IMPDH1: variants seen among roughly 807,000 people sequenced by gnomAD.
IMPDH1 encodes the protein inosine monophosphate dehydrogenase 1, also known as inosine-5'-monophosphate dehydrogenase 1.
Under a neutral mutation model 73.5 loss-of-function variants are expected in IMPDH1, and 41 were observed. The observed-to-expected ratio is 0.56, with a 90% CI of 0.43 to 0.72. The LOEUF is 0.72. IMPDH1 is among the 30% of genes least tolerant of loss of function. The pLI, the probability that IMPDH1 is intolerant of heterozygous loss-of-function variation, is 0.00. For missense variants in IMPDH1, 645 were observed against 824.8 expected (o/e 0.78, Z 2.67); for synonymous variants, 318 against 334.3 (o/e 0.95, Z 0.53).
intron 12 of IMPDH1, among the ~76,000 whole-genome samples, chr7:128,395,560 C>T (rs1422031310): frequency 6.6e-6 from 1 of 152,236 alleles, no homozygotes; most frequent in Non-Finnish European, 1.5e-5. Context: ...TGGCCCCAGC[C>T]TCACCTGCTC....
In IMPDH1 at chr7:128,403,741, G is replaced by T. The variant is rs372348212; in HGVS notation, c.367C>A (p.Leu123Ile). The change falls in exon 5 of 17, where the codon CTC (leucine) becomes ATC (isoleucine). Residue 123 changes from leucine to isoleucine, a missense_variant. Physicochemically the swap from Leu to Ile is conservative, Grantham distance 5 (BLOSUM62 2). This residue lies in a region of IMPDH1 where 186 missense variants were observed against 186.6 expected (regional missense o/e 1.00). Transcript: ENST00000338791. The stretch of plus-strand genomic sequence containing the variant: ...GCTATGAAGTCTATGAATCCTGGGA[G>T]AATCAGGAAGTCGCTGTGAAGACAG... ...DGLTYNDFLILPGFIDFIADE... is the reference protein window; with the variant it reads ...DGLTYNDFLIIPGFIDFIADE... The T allele has an allele frequency of 4.3e-6, 7 of 1,614,028 alleles. No homozygotes were observed. Among genetic ancestry groups the T allele is most frequent in the Non-Finnish European group, 5.9e-6 (7 of 1,179,868 alleles).
Position 128,400,901 on chromosome 7 carries a change from A to G in IMPDH1, c.505-10T>C, listed in dbSNP as rs72624953. The stretch of plus-strand genomic sequence containing the variant: ...CAATACCTCCCATCAGCTGATGTAG[A>G]AGGGAAGTGTGGTCAGAGCCGGGGC... On this transcript the variant is annotated splice_polypyrimidine_tract_variant and intron_variant, in intron 6 of 16. Coordinates refer to ENST00000338791, the MANE Select transcript of IMPDH1 (RefSeq NM_000883.4). The G allele has an allele frequency of 1.2e-6, 2 of 1,613,280 alleles. No homozygotes were observed. The highest frequency in any genetic ancestry group is 4.5e-5 in the East Asian group (2 of 44,890).
In IMPDH1 at chr7:128,405,674, G is replaced by A. The variant is rs368012252; in HGVS notation, c.353+93C>T. 3.8e-5 allele frequency: 55 copies of A among 1,462,386 alleles called. No homozygotes were observed. The East Asian group carries it at 1.3e-3, about 36-fold the overall frequency. The allele number at this position is 1,462,386 out of a possible 1,614,324, so 90.6% of individuals were successfully genotyped here. A position where few individuals can be genotyped will look rare whatever the true frequency, so the allele number is the denominator to read the frequency against. ...CCACAGCAGGCACTCGCACCGGGCA[G>A]GGAACGCCGGGGGAGCCGCGCACGT... On this transcript the variant is annotated intron_variant, in intron 4 of 16. Transcript: ENST00000338791.
At chr7:128,409,586 A>G in intron 1 of IMPDH1, 102 bp from the exon 2 acceptor site, 6 of 1,531,374 alleles carry the variant, frequency 3.9e-6, no homozygotes, top group Admixed American at 1.7e-5. Context: ...GCATCCCCCA[A>G]CCAAAGCCGG....
intron 3 of IMPDH1, among the ~76,000 whole-genome samples, chr7:128,408,755 G>T (rs1443441100): frequency 1.3e-5 from 2 of 152,142 alleles, no homozygotes; most frequent in Non-Finnish European, 2.9e-5. Flanking sequence ...CCTCCCTATC[G>T]CCCTGCGGCC....
chr7:128,409,292 G>C lies in IMPDH1; in HGVS notation c.251C>G (p.Ala84Gly). ...VGVQMDRLRR[A>G]SMADYLISGG... Reference sequence around the variant, plus strand: ...GAGGAGGGGAGAGTGTCCTCACCTAGCCCTGCGAAGGCGATCCATCTGGAC... The same window carrying C: ...GAGGAGGGGAGAGTGTCCTCACCTACCCCTGCGAAGGCGATCCATCTGGAC... Residue 84 changes from alanine to glycine, a missense_variant, in exon 3 of 17, where the codon GCT becomes GGT. Ala to Gly is a moderately conservative substitution (Grantham distance 60). Transcript: ENST00000338791. 6.2e-7 allele frequency: 1 copy of C among 1,613,636 alleles called. No individual in the cohort carries two copies. The highest frequency in any genetic ancestry group is 1.1e-5 in the South Asian group (1 of 91,062).
rs762110519 is a variant in IMPDH1, at chr7:128,409,479, C to T, written c.152G>A (p.Arg51Lys). The T allele has an allele frequency of 1.2e-6, 2 of 1,614,202 alleles. No individual in the cohort carries two copies. Residue 51 changes from arginine to lysine, a missense_variant, in exon 2 of 17, where the codon AGA (arginine) becomes AAA (lysine). By Grantham distance (26) the Arg-to-Lys change is conservative. Around this residue, in one of 2 missense-constraint regions of IMPDH1, gnomAD observed 186 missense variants for 186.6 expected, o/e 1.00. Transcript: ENST00000338791. ...LQAGYEPESP[R>K]LDLATHPTTP... is the part of the protein sequence containing the mutation. ...CGTCGGGTGTGTAGCGAGGTCCAAT[C>T]TAGGGCTAAGATTTTAGGGAAGGTT...
At chr7:128,405,988 CCGGGGGCGGGGG>C (rs907691474) in intron 3 of IMPDH1, 123 bp from the exon 4 acceptor site, 7 of 811,260 alleles carry the variant, frequency 8.6e-6, no homozygotes, top group Non-Finnish European at 1.0e-5. Flanking sequence ...GCCGGGCGGG[CCGGGGGCGGGGG>C]CGGGGGCTGC....
intron 3 of IMPDH1, among the ~76,000 whole-genome samples, chr7:128,407,329 G>C (rs1433333054): frequency 6.6e-6 from 1 of 152,222 alleles, no homozygotes; most frequent in East Asian, 1.9e-4. Context: ...TGATGCCCCC[G>C]GGACCCTGCC....
In IMPDH1 at chr7:128,398,595, T is replaced by C; in HGVS notation, c.893A>G (p.Asn298Ser). ...GATGGCCACCAGCTCATCGCAATCA[T>C]TGACGATAGGCAGCTTCCCTGACAA... ...RSKKGKLPIV[N>S]DCDELVAIIA... Residue 298 changes from asparagine (N) to serine (S), a missense_variant, in exon 10 of 17, where the codon AAT becomes AGT. Physicochemically the swap from Asn to Ser is conservative, Grantham distance 46. Transcript: ENST00000338791. This position sits in a 1 kb window ranked among gnomAD's most constrained non-coding sequence, Gnocchi z 4.3. 6.2e-7 allele frequency: 1 copy of C among 1,612,788 alleles called. No homozygotes were observed. Among genetic ancestry groups the C allele is most frequent in the Non-Finnish European group, 8.5e-7 (1 of 1,179,014 alleles).
rs566141716 is a variant in IMPDH1 at position 128,407,398 on chromosome 7, C to T, written c.255-1533G>A. Among the ~76,000 whole-genome samples the T allele has an allele frequency of 1.2e-4, 19 of 152,292 alleles. 1 individual carries two copies. The highest frequency in any genetic ancestry group is 4.3e-4 in the African/African-American group (18 of 41,558). Reference sequence around the variant, plus strand: ...GGGGAGGCTGGGGCCGGATTGCCAGCGATGTGTGGGAAGCACCTCTGAACC... The same window carrying T: ...GGGGAGGCTGGGGCCGGATTGCCAGTGATGTGTGGGAAGCACCTCTGAACC... On this transcript the variant is annotated intron_variant, in intron 3 of 16. Coordinates refer to ENST00000338791, the MANE Select transcript of IMPDH1 (RefSeq NM_000883.4).
chr7:128,403,878 C>G (rs1295120752), intron 4 of IMPDH1, 124 bp from the exon 5 acceptor site: 2 of 816,362 alleles, frequency 2.4e-6, no homozygotes, highest in Non-Finnish European at 4.2e-6. Context: ...GCTACAGCCC[C>G]CCATCCCTAC....
chr7:128,408,191 C>T (rs753153114), intron 3 of IMPDH1, among the ~76,000 whole-genome samples: 36 of 152,174 alleles, frequency 2.4e-4, no homozygotes, highest in Admixed American at 7.2e-4. Flanking sequence ...AGGTCCAAGC[C>T]CCTTCCTCAG....
chr7:128,397,295 A>G (rs962629965), intron 10 of IMPDH1, among the ~76,000 whole-genome samples: 1 of 152,122 alleles, frequency 6.6e-6, no homozygotes, highest in African/African-American at 2.4e-5. Context: ...ACTGATCCTT[A>G]AAGCAAGGAG....
chr7:128,408,740 T>C (rs908415041), intron 3 of IMPDH1, among the ~76,000 whole-genome samples: 2 of 152,194 alleles, frequency 1.3e-5, no homozygotes, highest in East Asian at 3.8e-4. Context: ...TCAGCCCCTG[T>C]GGCCCCTCCC....
Position 128,394,757 on chromosome 7 carries a change from A to C in IMPDH1, c.1550+132T>G. The C allele has an allele frequency of 3.6e-6, 5 of 1,400,278 alleles. No homozygotes were observed. The highest frequency in any genetic ancestry group is 5.0e-6 in the Non-Finnish European group (5 of 1,002,262). The allele number at this position is 1,400,278 out of a possible 1,614,324, so 86.7% of individuals were successfully genotyped here. On this transcript the variant is annotated intron_variant, in intron 14 of 16. Coordinates refer to ENST00000338791, the MANE Select transcript of IMPDH1 (RefSeq NM_000883.4). The surrounding 1 kb of genome is among the most constrained non-coding windows in gnomAD (Gnocchi z 5.5). ...CCCAGGGACAGATCCTGGGTCTGCT[A>C]CTTAAGCCCTGTGCCTCAGTTTCCA...
chr7:128,397,609 A>C (rs541620942), intron 10 of IMPDH1, among the ~76,000 whole-genome samples: 1 of 152,230 alleles, frequency 6.6e-6, no homozygotes, highest in Non-Finnish European at 1.5e-5. Flanking sequence ...TATAGAATAC[A>C]GATGAATCTA....
In IMPDH1 at chr7:128,398,146, T is replaced by C. The variant is rs1798058077; in HGVS notation, c.1074+268A>G. Among the ~76,000 whole-genome samples the C allele has an allele frequency of 6.6e-6, 1 of 152,174 alleles. No homozygotes were observed. The highest frequency in any genetic ancestry group is 2.1e-4 in the South Asian group (1 of 4,832). On this transcript the variant is annotated intron_variant, in intron 10 of 16. Coordinates refer to ENST00000338791, the MANE Select transcript of IMPDH1 (RefSeq NM_000883.4). This position sits in a 1 kb window ranked among gnomAD's most constrained non-coding sequence, Gnocchi z 4.3. ...TTTGTATCTCAGATGACACAAACCA[T>C]TGTTTGTTTTTTGAGAAAGGGTCTC...
At position 128,396,616 on chromosome 7, in the gene IMPDH1, G is replaced by A. The variant is rs766676139; in HGVS notation, c.1245C>T (p.Ile415=). 1 of 1,554,792 alleles carries A rather than the reference G, an allele frequency of 6.4e-7. No homozygotes were observed. Among genetic ancestry groups the A allele is most frequent in the South Asian group, 1.2e-5 (1 of 84,358 alleles). ...GLRVGMGCGS[I]CITQEVMACG... ...GACACCCACCTTCCTGGGTGATGCA[G>A]ATGGAGCCGCAGCCCATGCCCACGC... The change falls in exon 12 of 17, where the codon ATC becomes ATT. Residue 415 remains isoleucine (I), a synonymous_variant. Coordinates refer to ENST00000338791, the MANE Select transcript of IMPDH1 (RefSeq NM_000883.4). This position sits in a 1 kb window ranked among gnomAD's most constrained non-coding sequence, Gnocchi z 4.0.
Sources: gnomAD v4.1 joint callset for allele counts (sites outside exome capture counted in the v4.1 genomes callset) on GRCh38, gnomAD v4.1.1 for gene constraint, gnomAD v4.1.1 regional missense constraint, Gnocchi (gnomAD v3.1) non-coding constraint, MANE v1.5 for transcripts, NCBI Gene and HGNC (gene_info 2026-07-23, HGNC 2026-07-21) for gene names.